The following UBASH3B variants were observed in gnomAD, a reference collection of about 807,000 sequenced individuals.
The protein encoded by UBASH3B is ubiquitin associated and SH3 domain containing B.
Under a neutral mutation model 83.4 loss-of-function variants are expected in UBASH3B, and 37 were observed. The observed-to-expected ratio is 0.44, with a 90% confidence interval of 0.34 to 0.58. The LOEUF is 0.58. Ranked by LOEUF, UBASH3B falls within the 20% of genes least tolerant of loss-of-function variation. The probability of loss-of-function intolerance (pLI) is 0.01; values close to 1 mark genes in which losing one functional copy is unlikely to be tolerated. For synonymous variants in UBASH3B, 304 were observed against 318.3 expected (o/e 0.96, Z 0.48); for missense variants, 657 against 827.2 (o/e 0.79, Z 2.52).
intron 1 of UBASH3B, among the ~76,000 whole-genome samples, chr11:122,757,255 G>T (rs996799632): frequency 6.6e-6 from 1 of 152,152 alleles, no homozygotes; most frequent in Non-Finnish European, 1.5e-5. Flanking sequence ...TCAGGAGGTT[G>T]AGTCCTCATG....
chr11:122,695,589 CCTTTTTTTTCTTTT>C (rs1231513803), intron 1 of UBASH3B, among the ~76,000 whole-genome samples: 12 of 152,230 alleles, frequency 7.9e-5, no homozygotes, highest in Non-Finnish European at 1.6e-4. Flanking sequence ...GGTTTTCTTT[CCTTTTTTTTCTTTT>C]CTTTTTTACT....
intron 1 of UBASH3B, among the ~76,000 whole-genome samples, chr11:122,660,165 C>T (rs903598689): frequency 2.0e-5 from 3 of 152,162 alleles, no homozygotes; most frequent in African/African-American, 7.2e-5. Flanking sequence ...CTCCCTGGAG[C>T]TGGGCTAGGT....
chr11:122,712,723 GC>G (rs1864212381), intron 1 of UBASH3B, among the ~76,000 whole-genome samples: 1 of 151,988 alleles, frequency 6.6e-6, no homozygotes, highest in Non-Finnish European at 1.5e-5. Flanking sequence ...AAAAGCAAAC[GC>G]CCTGAAGTAT....
intron 4 of UBASH3B, among the ~76,000 whole-genome samples, chr11:122,782,099 G>A (rs1270034686): frequency 2.6e-5 from 4 of 152,088 alleles, no homozygotes; most frequent in Non-Finnish European, 5.9e-5. Flanking sequence ...AAAGAGGCCA[G>A]GCATGGTGGT....
chr11:122,763,045 A>C (rs1042237899), intron 1 of UBASH3B, among the ~76,000 whole-genome samples: 2 of 152,200 alleles, frequency 1.3e-5, no homozygotes, highest in Non-Finnish European at 2.9e-5. Context: ...AGAGATTGGG[A>C]AAGTGAGTTT....
At chr11:122,675,823 C>T (rs1157380573) in intron 1 of UBASH3B, among the ~76,000 whole-genome samples, 2 of 152,158 alleles carry the variant, frequency 1.3e-5, no homozygotes, top group Non-Finnish European at 2.9e-5. Context: ...CAGTTTGCAG[C>T]GGACCATCTT....
chr11:122,782,877 C>A lies in UBASH3B; in HGVS notation c.602-176C>A, dbSNP rs999552738. 6 of 716,838 alleles carry A rather than the reference C, an allele frequency of 8.4e-6. No individual in the cohort carries two copies. The South Asian group carries it at 1.2e-4, about 14-fold the overall frequency. 44.4% of individuals were successfully genotyped at this position (716,838 alleles called of 1,614,324 possible). On this transcript the variant is annotated intron_variant, in intron 4 of 13. Coordinates refer to ENST00000284273, the MANE Select transcript of UBASH3B (RefSeq NM_032873.5). ...TGAACAGTGGCTTGATTCGGAATCT[C>A]TTGCCATCCCCTTACCCCCTTATTC...
intron 1 of UBASH3B, among the ~76,000 whole-genome samples, chr11:122,665,436 G>A (rs925951320): frequency 3.0e-4 from 45 of 151,836 alleles, no homozygotes; most frequent in African/African-American, 9.7e-4. Flanking sequence ...CAAGTGATCC[G>A]TTCGCCTCAG....
At chr11:122,760,199 G>A (rs1250122672) in intron 1 of UBASH3B, among the ~76,000 whole-genome samples, 1 of 152,180 alleles carries the variant, frequency 6.6e-6, no homozygotes, top group Non-Finnish European at 1.5e-5. Flanking sequence ...AAGGTGCTAT[G>A]ATACAACCGC....
In UBASH3B at chr11:122,656,036, C is replaced by A; in HGVS notation, c.-14C>A. The A allele has an allele frequency of 6.4e-7, 1 of 1,567,698 alleles. No homozygotes were observed. The highest frequency in any genetic ancestry group is 8.6e-7 in the Non-Finnish European group (1 of 1,158,088). On this transcript the variant is annotated 5_prime_UTR_variant, in exon 1 of 14. In the 5' UTR this introduces an upstream ATG that the reference lacks. Coordinates refer to ENST00000284273, the MANE Select transcript of UBASH3B (RefSeq NM_032873.5). ...GCTCGGGCTCCTTCCCTGGCGATGG[C>A]TGGCCGCTGAGCCATGGCTCAGTAC...
chr11:122,757,278 C>T lies in UBASH3B; in HGVS notation c.162-18941C>T, dbSNP rs189345846. ...TTGAGTCCTCATGAACGGGATAGTCCCCTTGTGAAAGAAACCCCAGAGAGC... is the reference window on the plus strand; with the variant it reads ...TTGAGTCCTCATGAACGGGATAGTCTCCTTGTGAAAGAAACCCCAGAGAGC... On this transcript the variant is annotated intron_variant, in intron 1 of 13. Coordinates refer to ENST00000284273, the MANE Select transcript of UBASH3B (RefSeq NM_032873.5). Among the ~76,000 whole-genome samples the T allele has an allele frequency of 3.9e-5, 6 of 152,178 alleles. No homozygotes were observed. In the East Asian group the frequency reaches 5.8e-4, roughly 15 times the overall value.
chr11:122,723,469 G>T (rs1860678048), intron 1 of UBASH3B, among the ~76,000 whole-genome samples: 1 of 152,182 alleles, frequency 6.6e-6, no homozygotes, highest in South Asian at 2.1e-4. Flanking sequence ...CAGGGGTGTT[G>T]GTTTCTTCTC....
In UBASH3B at chr11:122,806,850, A is replaced by T. The variant is rs114302472; in HGVS notation, c.1702+334A>T. On this transcript the variant is annotated intron_variant, in intron 12 of 13. Coordinates refer to ENST00000284273, the MANE Select transcript of UBASH3B (RefSeq NM_032873.5). This position sits in a 1 kb window ranked among gnomAD's most constrained non-coding sequence, Gnocchi z 4.0. ...TTTTGCCTATAATTGATGCAGCGGC[A>T]TGCACACCTACACACAGCACACCTA... is the stretch of plus-strand genomic sequence containing the variant. Among the ~76,000 whole-genome samples the T allele has an allele frequency of 7.0e-3, 1,063 of 152,310 alleles. 19 individuals carry two copies. The highest frequency in any genetic ancestry group is 0.024 in the African/African-American group (1,005 of 41,560).
intron 1 of UBASH3B, among the ~76,000 whole-genome samples, chr11:122,669,728 A>T (rs992032225): frequency 1.3e-5 from 2 of 152,190 alleles, no homozygotes; most frequent in African/African-American, 4.8e-5. Context: ...TAACATATGT[A>T]TTATTTTGTT....
chr11:122,796,510 A>G (rs917201187), intron 8 of UBASH3B, among the ~76,000 whole-genome samples: 3 of 152,158 alleles, frequency 2.0e-5, no homozygotes, highest in African/African-American at 7.2e-5. Context: ...GTCTTGCCCC[A>G]GGTCATATGG....
intron 1 of UBASH3B, among the ~76,000 whole-genome samples, chr11:122,700,163 G>T (rs901306390): frequency 2.6e-5 from 4 of 152,170 alleles, no homozygotes; most frequent in African/African-American, 4.8e-5. Flanking sequence ...GAGCAGCACC[G>T]CTGTTGGAGT....
intron 1 of UBASH3B, among the ~76,000 whole-genome samples, chr11:122,681,421 T>C (rs1863736850): frequency 6.6e-6 from 1 of 152,110 alleles, no homozygotes; most frequent in South Asian, 2.1e-4. Context: ...CTCTGATGCT[T>C]TGGTTTTGGA....
intron 1 of UBASH3B, chr11:122,727,457 G>C (rs1165316522): frequency 1.3e-5 from 2 of 152,216 alleles, no homozygotes; most frequent in African/African-American, 4.8e-5. Context: ...GGCGAAACTA[G>C]ATGATCCCCA....
chr11:122,797,289 A>G (rs980061068), intron 9 of UBASH3B: 11 of 350,214 alleles, frequency 3.1e-5, no homozygotes. Context: ...TACTGTGCTC[A>G]CTCTTGGATG....
Sources: gnomAD v4.1 joint callset for allele counts (sites outside exome capture counted in the v4.1 genomes callset) on GRCh38, gnomAD v4.1.1 for gene constraint, Gnocchi (gnomAD v3.1) non-coding constraint, MANE v1.5 for transcripts, NCBI Gene and HGNC (gene_info 2026-07-23, HGNC 2026-07-21) for gene names.